Variants in NAV3 observed in about 807,000 individuals in gnomAD.
NAV3 encodes the protein neuron navigator 3.
A neutral mutation model predicts 244.7 loss-of-function variants in NAV3; 87 were observed. That is an observed-to-expected ratio of 0.36 (90% CI 0.30 to 0.42). The LOEUF is 0.42. Among genes scored for constraint, NAV3 ranks in the 20% least tolerant of loss-of-function variants. NAV3 has a pLI of 1.00. For missense variants in NAV3, 2,663 were observed against 2,893.3 expected (o/e 0.92, Z 1.83); for synonymous variants, 1,126 against 1,042.2 (o/e 1.08, Z -1.55).
chr12:77,739,845 G>C (rs1374911025), intron 2 of NAV3, among the ~76,000 whole-genome samples: 1 of 152,164 alleles, frequency 6.6e-6, no homozygotes, highest in Non-Finnish European at 1.5e-5. Context: ...CATAAATAGA[G>C]AGTGGCTATG....
intron 2 of NAV3, among the ~76,000 whole-genome samples, chr12:77,655,106 G>A (rs143062732): frequency 0.017 from 2,552 of 152,294 alleles, 77 homozygotes; most frequent in African/African-American, 0.058. Flanking sequence ...AAAGCTGGAC[G>A]GAGAATGACT....
chr12:77,976,550 A>G (rs1868400384), intron 5 of NAV3, among the ~76,000 whole-genome samples: 1 of 152,030 alleles, frequency 6.6e-6, no homozygotes, highest in Non-Finnish European at 1.5e-5. Flanking sequence ...AATAGTCATA[A>G]CTTATATGGA....
chr12:77,916,441 C>T (rs1247250269), intron 1 of NAV3, among the ~76,000 whole-genome samples: 2 of 151,818 alleles, frequency 1.3e-5, no homozygotes, highest in East Asian at 1.9e-4. Flanking sequence ...AATGATTAAT[C>T]CTATCAAGAG....
intron 2 of NAV3, among the ~76,000 whole-genome samples, chr12:77,741,148 C>CCAA (rs1868322293): frequency 1.5e-5 from 1 of 68,668 alleles, no homozygotes; most frequent in African/African-American, 5.9e-5. Flanking sequence ...AAAAAAAAGA[C>CCAA]AAAAAAAAAA....
At chr12:77,934,678 A>T (rs1889154344) in intron 1 of NAV3, among the ~76,000 whole-genome samples, 2 of 152,182 alleles carry the variant, frequency 1.3e-5, no homozygotes. Context: ...GTAGAAGTCC[A>T]GTTATTATCA....
chr12:77,659,595 C>T (rs1424450391), intron 2 of NAV3, among the ~76,000 whole-genome samples: 1 of 152,150 alleles, frequency 6.6e-6, no homozygotes, highest in Non-Finnish European at 1.5e-5. Flanking sequence ...TTTGACCCAG[C>T]CATCCCATTA....
At chr12:77,698,255 C>T (rs1235277874) in intron 2 of NAV3, among the ~76,000 whole-genome samples, 1 of 152,118 alleles carries the variant, frequency 6.6e-6, no homozygotes, top group African/African-American at 2.4e-5. Context: ...AATATCTTGG[C>T]TAGCTTTTTT....
chr12:78,198,801 C>A, intron 36 of NAV3, 125 bp downstream of exon 36: 1 of 667,298 alleles, frequency 1.5e-6, no homozygotes, highest in Non-Finnish European at 2.6e-6. Flanking sequence ...TGTACTTTGA[C>A]AAATCTTGCC....
At chr12:77,861,835 A>G (rs1231563987) in intron 1 of NAV3, among the ~76,000 whole-genome samples, 1 of 151,818 alleles carries the variant, frequency 6.6e-6, no homozygotes, top group Non-Finnish European at 1.5e-5. Flanking sequence ...CACAATTGTA[A>G]AAATTAAGCT....
At chr12:78,092,046 C>T (rs969702474) in intron 12 of NAV3, among the ~76,000 whole-genome samples, 1 of 152,120 alleles carries the variant, frequency 6.6e-6, no homozygotes, top group African/African-American at 2.4e-5. Flanking sequence ...AACATCCACA[C>T]CTACGGTATT....
In NAV3 at chr12:78,119,785, A is replaced by T. The variant is rs760553274; in HGVS notation, c.3589A>T (p.Thr1197Ser). The T allele has an allele frequency of 1.9e-6, 3 of 1,614,064 alleles. No individual in the cohort carries two copies. The Middle Eastern group carries it at 4.9e-4, about 266-fold the overall frequency. ...GRSSPVTVNQ[T>S]DKEKEKVAVS... is the part of the protein sequence containing the mutation. The stretch of plus-strand genomic sequence containing the variant: ...CTCGAGTCCTGTCACCGTCAACCAA[A>T]CAGACAAGGAAAAGGAAAAAGTAGC... The change falls in exon 15 of 40, where the codon ACA (threonine) becomes TCA (serine). Residue 1197 changes from threonine (T) to serine (S), a missense_variant. Physicochemically the swap from Thr to Ser is moderately conservative, Grantham distance 58. Transcript: ENST00000397909.
At chr12:77,770,219 T>C (rs759205373) in intron 2 of NAV3, among the ~76,000 whole-genome samples, 17 of 152,008 alleles carry the variant, frequency 1.1e-4, no homozygotes, top group Admixed American at 2.6e-4. Flanking sequence ...ATAATGACAC[T>C]GAGGAGAATA....
At chr12:78,049,110 G>T (rs1331757829) in intron 9 of NAV3, among the ~76,000 whole-genome samples, 1 of 152,164 alleles carries the variant, frequency 6.6e-6, no homozygotes, top group Non-Finnish European at 1.5e-5. Flanking sequence ...AGACTGCTGT[G>T]CTGGCAATGA....
chr12:77,832,366 G>A (rs189282925), intron 1 of NAV3, among the ~76,000 whole-genome samples: 108 of 152,252 alleles, frequency 7.1e-4, no homozygotes, highest in African/African-American at 2.5e-3. Flanking sequence ...TACTACAACC[G>A]TTTTCTCCAG....
intron 2 of NAV3, among the ~76,000 whole-genome samples, chr12:77,638,962 C>A (rs1229268429): frequency 6.6e-6 from 1 of 152,124 alleles, no homozygotes; most frequent in Non-Finnish European, 1.5e-5. Context: ...CCACTCTATT[C>A]CGCAGAGCAT....
At chr12:78,186,803 G>A (rs549252834) in intron 31 of NAV3, among the ~76,000 whole-genome samples, 6 of 151,978 alleles carry the variant, frequency 3.9e-5, no homozygotes, top group East Asian at 1.9e-4. Context: ...CTGGAGGCTA[G>A]CCAGTCTAAG....
chr12:77,672,356 G>A (rs1488037695), intron 2 of NAV3, among the ~76,000 whole-genome samples: 3 of 152,044 alleles, frequency 2.0e-5, no homozygotes, highest in Non-Finnish European at 4.4e-5. Flanking sequence ...ATAACTAAAA[G>A]TAGATCTACC....
At chr12:78,098,719 GT>G (rs34465809) in intron 12 of NAV3, among the ~76,000 whole-genome samples, 14 of 150,102 alleles carry the variant, frequency 9.3e-5, no homozygotes, top group Admixed American at 8.0e-4. Context: ...TTTGAAACTG[GT>G]TTTTTTTTAG....
chr12:77,845,904 C>T (rs1404352073), intron 1 of NAV3, among the ~76,000 whole-genome samples: 1 of 152,090 alleles, frequency 6.6e-6, no homozygotes, highest in Non-Finnish European at 1.5e-5. Context: ...CTGCCCACCT[C>T]AACCTCCCAA....
Sources: gnomAD v4.1 joint callset for allele counts (sites outside exome capture counted in the v4.1 genomes callset) on GRCh38, gnomAD v4.1.1 for gene constraint, MANE v1.5 for transcripts, NCBI Gene and HGNC (gene_info 2026-07-23, HGNC 2026-07-21) for gene names.